Variants in SYNE2 observed in about 807,000 individuals in gnomAD.
SYNE2 encodes the protein spectrin repeat containing nuclear envelope protein 2.
Under a neutral mutation model 856.3 loss-of-function variants are expected in SYNE2, and 431 were observed. That is an observed-to-expected ratio of 0.50 (90% CI 0.47 to 0.55). The LOEUF (loss-of-function observed/expected upper bound fraction) is 0.55, where lower values mean the gene tolerates loss of function less well. SYNE2 is among the 20% of genes least tolerant of loss of function. The pLI, the probability that SYNE2 is intolerant of heterozygous loss-of-function variation, is 0.00. For synonymous variants in SYNE2, 2,923 were observed against 2,872.3 expected, an observed-to-expected ratio of 1.02 and a Z score of -0.56; for missense variants, 8,129 against 8,023.2, an observed-to-expected ratio of 1.01 and a Z score of -0.50.
At chr14:64,108,724 T>C (rs1046857294) in intron 65 of SYNE2, among the ~76,000 whole-genome samples, 7 of 150,940 alleles carry the variant, frequency 4.6e-5, no homozygotes, top group Admixed American at 6.6e-5. Flanking sequence ...TACTCCTTTC[T>C]CTTCTTTCTT....
chr14:63,880,013 A>C (rs1041541953), intron 1 of SYNE2, among the ~76,000 whole-genome samples: 1 of 152,136 alleles, frequency 6.6e-6, no homozygotes, highest in African/African-American at 2.4e-5. Context: ...GAACTTTATA[A>C]ATTTTATTTT....
In SYNE2 at chr14:63,808,658, G is replaced by A. The variant is rs914965713; in HGVS notation, c.-304-43843G>A. ...ATGGACATGGAATTTGTGGACAACA[G>A]GAGCCACTCCATTATCCACAATGTC... On this transcript the variant is annotated intron_variant, in intron 1 of 23. Coordinates refer to the SYNE2 transcript ENST00000674003. 4 of 152,336 alleles carry A rather than the reference G, an allele frequency of 2.6e-5. No homozygotes were observed. The East Asian group carries it at 7.7e-4, about 29-fold the overall frequency. 9.4% of individuals were successfully genotyped at this position (152,336 alleles called of 1,614,324 possible). A position where few individuals can be genotyped will look rare whatever the true frequency, so the allele number is the denominator to read the frequency against.
intron 2 of SYNE2, among the ~76,000 whole-genome samples, chr14:63,936,964 A>G (rs1049537617): frequency 2.0e-5 from 3 of 152,102 alleles, no homozygotes. Context: ...AACGTGAGAG[A>G]AAGGGAGGAG....
At position 63,982,740 on chromosome 14, in the gene SYNE2, A is replaced by G. The variant is rs1430952867; in HGVS notation, c.1947A>G (p.Lys649=). The change falls in exon 17 of 116, where the codon AAA becomes AAG. Residue 649 remains lysine, a synonymous_variant. Transcript: ENST00000555002. The part of the protein sequence containing the change: ...SNDVVGSSIS[K]ELRRLNKRWR... The stretch of plus-strand genomic sequence containing the variant: ...ATGTGGTTGGATCATCTATTTCTAA[A>G]GAACTGAGAAGGCTGAATAAAAGAT... 3 of 1,613,970 alleles carry G rather than the reference A, an allele frequency of 1.9e-6. No individual in the cohort carries two copies. Among genetic ancestry groups the G allele is most frequent in the East Asian group, 2.2e-5 (1 of 44,870 alleles).
intron 61 of SYNE2, among the ~76,000 whole-genome samples, chr14:64,095,392 G>A (rs1450902110): frequency 6.6e-6 from 1 of 152,152 alleles, no homozygotes; most frequent in African/African-American, 2.4e-5. Flanking sequence ...GGCCTACTTT[G>A]TACTTCGAAT....
chr14:64,099,609 G>A (rs2097704645), intron 63 of SYNE2: 1 of 152,176 alleles, frequency 6.6e-6, no homozygotes, highest in South Asian at 2.1e-4. Flanking sequence ...ATAATGGAGG[G>A]ACCAGGGGCC....
intron 1 of SYNE2, among the ~76,000 whole-genome samples, chr14:63,835,359 G>A (rs1889813543): frequency 6.6e-6 from 1 of 152,080 alleles, no homozygotes; most frequent in Non-Finnish European, 1.5e-5. Context: ...TCAGCCTCCT[G>A]AGTAGCTGGG....
intron 1 of SYNE2, among the ~76,000 whole-genome samples, chr14:63,781,756 G>A (rs1414217311): frequency 2.6e-5 from 4 of 152,012 alleles, no homozygotes; most frequent in African/African-American, 9.7e-5. Context: ...CAATAGCAGT[G>A]AGCACACCTA....
At chr14:64,034,545 T>C in intron 45 of SYNE2, 1 of 534,744 alleles carries the variant, frequency 1.9e-6, no homozygotes, top group Non-Finnish European at 3.4e-6. Context: ...TCATAGCATG[T>C]ATATATTTGA....
At chr14:63,980,847 G>C in intron 15 of SYNE2, 115 bp downstream of exon 15, 1 of 1,090,088 alleles carries the variant, frequency 9.2e-7, no homozygotes, top group Non-Finnish European at 1.3e-6. Flanking sequence ...TGTTTTCCTG[G>C]GAAAATTCTT....
At chr14:64,064,257 G>A (rs1364290228) in intron 50 of SYNE2, among the ~76,000 whole-genome samples, 2 of 152,188 alleles carry the variant, frequency 1.3e-5, no homozygotes, top group African/African-American at 2.4e-5. Flanking sequence ...TCACCAAGAA[G>A]GCTACCAAAT....
In SYNE2 at chr14:64,174,406, A is replaced by T. The variant is rs984719014; in HGVS notation, c.17236-538A>T. The stretch of plus-strand genomic sequence containing the variant: ...TGTTTTTAAATTGTTTTTAATTTTC[A>T]GAAAGCCTACATGATATTCGGATGA... On this transcript the variant is annotated intron_variant, in intron 94 of 115. Transcript: ENST00000555002. Among the ~76,000 whole-genome samples the T allele has an allele frequency of 2.6e-5, 4 of 152,238 alleles. No individual in the cohort carries two copies. In the East Asian group the frequency reaches 7.7e-4, roughly 29 times the overall value.
rs2097902343 is a variant in SYNE2, at chr14:64,122,013, T to C, written c.13160T>C (p.Val4387Ala). 1.2e-6 allele frequency: 2 copies of C among 1,613,318 alleles called. No individual in the cohort carries two copies. The highest frequency in any genetic ancestry group is 3.3e-5 in the Admixed American group (2 of 60,002). Reference sequence around the variant, plus strand: ...CATTTGAATCTCATTCAATTACAGGTTCTGGAGTTAAAACCAATGGAACAG... The same window carrying C: ...CATTTGAATCTCATTCAATTACAGGCTCTGGAGTTAAAACCAATGGAACAG... ...SRQKDFQQQQ[V>A]LELKPMEQKD... is the part of the protein sequence containing the mutation. Residue 4387 changes from valine (V) to alanine (A), a missense_variant and splice_region_variant, in exon 69 of 116, where the codon GTT becomes GCT. Physicochemically the swap from Val to Ala is moderately conservative, Grantham distance 64 (BLOSUM62 0). This residue lies in a region of SYNE2 where 5,410 missense variants were observed against 5,284.8 expected (regional missense o/e 1.02). Transcript: ENST00000555002.
At chr14:64,025,465 A>C in intron 41 of SYNE2, 44 bp downstream of exon 41, 1 of 1,573,034 alleles carries the variant, frequency 6.4e-7, no homozygotes, top group Non-Finnish European at 8.7e-7. Flanking sequence ...AGTGAACTCT[A>C]GTTTTGAAAA....
At chr14:63,790,717 T>G (rs1376043160) in intron 1 of SYNE2, among the ~76,000 whole-genome samples, 1 of 152,216 alleles carries the variant, frequency 6.6e-6, no homozygotes, top group African/African-American at 2.4e-5. Context: ...TTGAATATTA[T>G]TCAACATTTT....
intron 76 of SYNE2, 90 bp downstream of exon 76, chr14:64,130,338 C>T: frequency 1.7e-6 from 2 of 1,193,730 alleles, no homozygotes; most frequent in Non-Finnish European, 1.2e-6. Flanking sequence ...CATTTTTCTT[C>T]TTTGTTGAAA....
At chr14:64,020,810 A>T (rs1485989198) in intron 35 of SYNE2, among the ~76,000 whole-genome samples, 1 of 152,194 alleles carries the variant, frequency 6.6e-6, no homozygotes, top group Non-Finnish European at 1.5e-5. Flanking sequence ...TAGTGGTTGA[A>T]TATGAGTGCT....
chr14:64,007,077 G>A lies in SYNE2; in HGVS notation c.4432G>A (p.Asp1478Asn), dbSNP rs1423801252. ...ATTAATCAGACTGGATAAGGTTCTA[G>A]ATGAATATGAAGAAGAGAAGAGACA... ...KSLIRLDKVL[D>N]EYEEEKRHLQ... Residue 1478 changes from aspartate (D) to asparagine (N), a missense_variant, in exon 31 of 116, where the codon GAT becomes AAT. Transcript: ENST00000555002. The A allele has an allele frequency of 6.2e-7, 1 of 1,613,646 alleles. No homozygotes were observed. Among genetic ancestry groups the A allele is most frequent in the Non-Finnish European group, 8.5e-7 (1 of 1,179,762 alleles).
chr14:63,783,211 G>C (rs977589121), intron 1 of SYNE2, among the ~76,000 whole-genome samples: 11 of 152,202 alleles, frequency 7.2e-5, no homozygotes, highest in African/African-American at 2.7e-4. Flanking sequence ...CGTTTTATAA[G>C]TGTTTGGTAG....
Sources: gnomAD v4.1 joint callset for allele counts (sites outside exome capture counted in the v4.1 genomes callset) on GRCh38, gnomAD v4.1.1 for gene constraint, gnomAD v4.1.1 regional missense constraint, MANE v1.5 for transcripts, NCBI Gene and HGNC (gene_info 2026-07-23, HGNC 2026-07-21) for gene names.